Variants in DTX4 observed in about 807,000 individuals in gnomAD.
DTX4 encodes the protein E3 ubiquitin-protein ligase DTX4.
A neutral mutation model predicts 57.6 loss-of-function variants in DTX4; 28 were observed. The observed-to-expected ratio is 0.49, with a 90% CI of 0.36 to 0.67. DTX4 has a LOEUF of 0.67. DTX4 is among the 30% of genes least tolerant of loss of function. DTX4 has a pLI of 0.00. For synonymous variants in DTX4, 316 were observed against 331.0 expected, an observed-to-expected ratio of 0.95 and a Z score of 0.49; for missense variants, 715 against 836.8, an observed-to-expected ratio of 0.85 and a Z score of 1.80.
chr11:59,180,445 G>A (rs1862449236), intron 1 of DTX4, among the ~76,000 whole-genome samples: 1 of 152,200 alleles, frequency 6.6e-6, no homozygotes, highest in Admixed American at 6.5e-5. Flanking sequence ...CCTGGCAAAG[G>A]CCTGAATAGC....
rs150777631 is a variant in DTX4 at position 59,205,085 on chromosome 11, C to T, written c.*176C>T. 3.0e-4 allele frequency: 181 copies of T among 597,944 alleles called. No homozygotes were observed. The highest frequency in any genetic ancestry group is 3.0e-3 in the African/African-American group (159 of 53,886). 37.0% of individuals were successfully genotyped at this position (597,944 alleles called of 1,614,324 possible). On this transcript the variant is annotated 3_prime_UTR_variant, in exon 9 of 9. Coordinates refer to ENST00000227451, the MANE Select transcript of DTX4 (RefSeq NM_015177.2). ...ACAGTGGGAGCCAGACTGAATATAGCGACATCATTCATAAATCTCATCCAA... is the reference window on the plus strand; with the variant it reads ...ACAGTGGGAGCCAGACTGAATATAGTGACATCATTCATAAATCTCATCCAA...
chr11:59,172,242 G>T lies in DTX4; in HGVS notation c.-354G>T, dbSNP rs1321227305. Among the ~76,000 whole-genome samples, 5 of 152,060 alleles carry T rather than the reference G, an allele frequency of 3.3e-5. No individual in the cohort carries two copies. The highest frequency in any genetic ancestry group is 6.5e-5 in the Admixed American group (1 of 15,272). Reference sequence around the variant, plus strand: ...TCGCCGTCAGCCCCAGCTCGCGGCCGCCGGGGCTCGGGCCGCGCGCCCGCC... The same window carrying T: ...TCGCCGTCAGCCCCAGCTCGCGGCCTCCGGGGCTCGGGCCGCGCGCCCGCC... On this transcript the variant is annotated 5_prime_UTR_variant, in exon 1 of 9. Transcript: ENST00000227451.
At chr11:59,182,508 A>G in intron 2 of DTX4, 46 bp downstream of exon 2, 1 of 1,525,812 alleles carries the variant, frequency 6.6e-7, no homozygotes. Context: ...CAGGGTAGAG[A>G]TAGGCTACAG....
At chr11:59,193,777 G>GA (rs1862628781) in intron 6 of DTX4, among the ~76,000 whole-genome samples, 2 of 152,346 alleles carry the variant, frequency 1.3e-5, no homozygotes, top group Admixed American at 1.3e-4. Context: ...GGCCAAAGCA[G>GA]AAAGTGGGAA....
chr11:59,204,306 T>C (rs1297296703), intron 8 of DTX4, among the ~76,000 whole-genome samples: 2 of 152,192 alleles, frequency 1.3e-5, no homozygotes, highest in Non-Finnish European at 2.9e-5. Flanking sequence ...AATGCAGCCG[T>C]TATGTTGGCA....
At chr11:59,181,687 C>T in intron 1 of DTX4, 52 bp from the exon 2 acceptor site, 12 of 1,538,590 alleles carry the variant, frequency 7.8e-6, no homozygotes, top group South Asian at 1.2e-5. Context: ...TGTCTTGCCA[C>T]TCAGTGTAAT....
At chr11:59,195,142 G>T in intron 6 of DTX4, 66 bp from the exon 7 acceptor site, 1 of 1,561,520 alleles carries the variant, frequency 6.4e-7, no homozygotes, top group Non-Finnish European at 8.8e-7. Flanking sequence ...TACCTTTTGG[G>T]ACTGGGTGGG....
rs1425926144 is a variant in DTX4 at position 59,191,106 on chromosome 11, C to G, written c.1160-8C>G. 1.3e-6 allele frequency: 2 copies of G among 1,566,052 alleles called. No individual in the cohort carries two copies. On this transcript the variant is annotated splice_polypyrimidine_tract_variant and splice_region_variant and intron_variant, in intron 4 of 8. Coordinates refer to ENST00000227451, the MANE Select transcript of DTX4 (RefSeq NM_015177.2). ...CTTGGTGGCCCACTGAACCTCCTGT[C>G]TCTGCAGGTAAAACCCCAGAGGAAG...
intron 5 of DTX4, 85 bp from the exon 6 acceptor site, chr11:59,192,013 C>T (rs1862604765): frequency 3.4e-6 from 5 of 1,464,082 alleles, no homozygotes; most frequent in Non-Finnish European, 4.7e-6. Context: ...GTGGTAAGAG[C>T]TCATCTGACC....
At chr11:59,195,061 G>A (rs1317881370) in intron 6 of DTX4, 147 bp from the exon 7 acceptor site, 2 of 801,440 alleles carry the variant, frequency 2.5e-6, no homozygotes, top group Non-Finnish European at 4.2e-6. Context: ...TAGGTGACTG[G>A]GCTGGGAGGG....
rs1290129392 is a variant in DTX4 at position 59,182,571 on chromosome 11, G to A, written c.935+109G>A. On this transcript the variant is annotated intron_variant, in intron 2 of 8. Transcript: ENST00000227451. The stretch of plus-strand genomic sequence containing the variant: ...TGCCAAGACTTAAGCTTCTCATCTT[G>A]TGCTGACCCCTGGCTGCAGGTGAAG... 6.5e-6 allele frequency: 9 copies of A among 1,394,132 alleles called. No homozygotes were observed. The East Asian group carries it at 1.8e-4, about 27-fold the overall frequency. 86.4% of individuals were successfully genotyped at this position (1,394,132 alleles called of 1,614,324 possible).
At position 59,205,046 on chromosome 11, in the gene DTX4, C is replaced by A; in HGVS notation, c.*137C>A. ...CCCCTCCTGCCCTGTGTCCATCCCT[C>A]ATCCCTCCCAACCACAGTGGGAGCC... On this transcript the variant is annotated 3_prime_UTR_variant, in exon 9 of 9. Transcript: ENST00000227451. The A allele has an allele frequency of 2.8e-6, 2 of 707,858 alleles. No individual in the cohort carries two copies. The highest frequency in any genetic ancestry group is 4.7e-6 in the Non-Finnish European group (2 of 422,864). The allele number at this position is 707,858 out of a possible 1,614,324, so 43.8% of individuals were successfully genotyped here.
At chr11:59,180,523 G>T (rs1190422738) in intron 1 of DTX4, among the ~76,000 whole-genome samples, 1 of 152,208 alleles carries the variant, frequency 6.6e-6, no homozygotes, top group Non-Finnish European at 1.5e-5. Context: ...CTCTGGGTTG[G>T]AGGAGGGGTG....
intron 2 of DTX4, among the ~76,000 whole-genome samples, chr11:59,187,112 G>A (rs761714738): frequency 5.1e-4 from 77 of 152,236 alleles, no homozygotes; most frequent in Non-Finnish European, 3.1e-4. Context: ...TGGAGGTCCC[G>A]TTGCAGCTTT....
chr11:59,181,325 ATAAG>A lies in DTX4; in HGVS notation c.212-412_212-409del, dbSNP rs1216325472. ...GTACAAATACATATTTGCTGAATAA[ATAAG>A]TGAGTCATATTTAGTTTGTACAAAA... On this transcript the variant is annotated intron_variant, in intron 1 of 8. Coordinates refer to ENST00000227451, the MANE Select transcript of DTX4 (RefSeq NM_015177.2). Among the ~76,000 whole-genome samples the A allele has an allele frequency of 1.2e-4, 18 of 152,254 alleles. 1 individual carries two copies. The highest frequency in any genetic ancestry group is 4.1e-4 in the African/African-American group (17 of 41,462).
At chr11:59,195,498 C>A in intron 7 of DTX4, 129 bp downstream of exon 7, 1 of 1,051,304 alleles carries the variant, frequency 9.5e-7, no homozygotes. Context: ...CAGCCTTGCC[C>A]GCTGACACTA....
At chr11:59,179,572 C>T (rs987528389) in intron 1 of DTX4, among the ~76,000 whole-genome samples, 4 of 152,228 alleles carry the variant, frequency 2.6e-5, no homozygotes, top group African/African-American at 9.6e-5. Context: ...TCGGTAGGGG[C>T]ACCACCCCTG....
At chr11:59,199,217 C>A (rs148227560) in intron 7 of DTX4, among the ~76,000 whole-genome samples, 169 of 151,992 alleles carry the variant, frequency 1.1e-3, no homozygotes, top group African/African-American at 3.9e-3. Context: ...CCTCAGGAAA[C>A]CTGGGCTTCA....
rs1290958562 is a variant in DTX4 at position 59,204,903 on chromosome 11, G to T, written c.1854G>T (p.Lys618Asn). ...GISEDSTAQE[K>N]D ...CTGAGGACAGCACTGCCCAGGAGAA[G>T]GACTGAGGCCAGAAAAGCTTTGAGG... The change falls in exon 9 of 9, where the codon AAG becomes AAT. Residue 618 changes from lysine to asparagine, a missense_variant. Transcript: ENST00000227451. 6.3e-7 allele frequency: 1 copy of T among 1,577,522 alleles called. No individual in the cohort carries two copies.
Sources: gnomAD v4.1 joint callset for allele counts (sites outside exome capture counted in the v4.1 genomes callset) on GRCh38, gnomAD v4.1.1 for gene constraint, MANE v1.5 for transcripts, NCBI Gene and HGNC (gene_info 2026-07-23, HGNC 2026-07-21) for gene names.